The following CLIC4 variants were observed in gnomAD, a reference collection of about 807,000 sequenced individuals.
CLIC4 encodes the protein CLIC family member 4.
Under a neutral mutation model 24.6 loss-of-function variants are expected in CLIC4, and 13 were observed. The observed-to-expected ratio is 0.53, with a 90% CI of 0.34 to 0.84. CLIC4 has a LOEUF of 0.84. Ranked by LOEUF, CLIC4 falls within the 40% of genes least tolerant of loss-of-function variation. CLIC4 has a pLI of 0.01. For synonymous variants in CLIC4, 104 were observed against 111.3 expected (o/e 0.93, Z 0.41); for missense variants, 227 against 301.7 (o/e 0.75, Z 1.83).
chr1:24,807,264 C>A (rs1571254465), intron 2 of CLIC4, among the ~76,000 whole-genome samples: 1 of 151,522 alleles, frequency 6.6e-6, no homozygotes, highest in Non-Finnish European at 1.5e-5. Context: ...ACCCGACCTA[C>A]CCCTTTGGGT....
intron 3 of CLIC4, among the ~76,000 whole-genome samples, chr1:24,821,217 C>T (rs1383510656): frequency 6.6e-6 from 1 of 151,682 alleles, no homozygotes; most frequent in East Asian, 1.9e-4. Context: ...AAAGAATTTT[C>T]ATTATTCTTG....
chr1:24,747,565 G>T (rs1416398906), intron 1 of CLIC4, among the ~76,000 whole-genome samples: 2 of 150,204 alleles, frequency 1.3e-5, no homozygotes, highest in African/African-American at 4.9e-5. Flanking sequence ...AGAAAGGAAG[G>T]GTGGTGGGTG....
At chr1:24,756,902 T>G (rs894800958) in intron 1 of CLIC4, among the ~76,000 whole-genome samples, 3 of 134,436 alleles carry the variant, frequency 2.2e-5, no homozygotes, top group Non-Finnish European at 4.6e-5. Flanking sequence ...TTTTTTAATG[T>G]TTTTTTTTTT....
At chr1:24,753,006 C>T (rs928430241) in intron 1 of CLIC4, among the ~76,000 whole-genome samples, 5 of 152,198 alleles carry the variant, frequency 3.3e-5, no homozygotes, top group African/African-American at 9.7e-5. Context: ...CAGGCGTGAG[C>T]CACCGCGCCC....
At chr1:24,755,908 G>A (rs896416959) in intron 1 of CLIC4, among the ~76,000 whole-genome samples, 6 of 151,420 alleles carry the variant, frequency 4.0e-5, no homozygotes, top group Non-Finnish European at 5.9e-5. Context: ...TGCAACCTCC[G>A]CCTCCTGGTT....
chr1:24,813,082 C>T (rs1186388958), intron 2 of CLIC4, among the ~76,000 whole-genome samples: 3 of 137,376 alleles, frequency 2.2e-5, no homozygotes, highest in African/African-American at 8.2e-5. Context: ...CTTGCTCTGT[C>T]GCCCAGGCTG....
intron 2 of CLIC4, among the ~76,000 whole-genome samples, chr1:24,798,720 G>C (rs1310762959): frequency 6.6e-6 from 1 of 152,094 alleles, no homozygotes; most frequent in Non-Finnish European, 1.5e-5. Context: ...AAGCTGGACT[G>C]TACTGCCGCC....
chr1:24,771,413 A>G (rs1639069807), intron 1 of CLIC4, among the ~76,000 whole-genome samples: 1 of 152,174 alleles, frequency 6.6e-6, no homozygotes, highest in Non-Finnish European at 1.5e-5. Flanking sequence ...TAGAATGTAA[A>G]TTCCAGGAGA....
chr1:24,814,934 T>C (rs926518590), intron 3 of CLIC4, among the ~76,000 whole-genome samples: 1 of 152,226 alleles, frequency 6.6e-6, no homozygotes, highest in Non-Finnish European at 1.5e-5. Context: ...TTGCCCTCCA[T>C]GTCCAGATAT....
chr1:24,797,879 A>G (rs1639422476), intron 2 of CLIC4, 28 bp downstream of exon 2: 2 of 1,458,096 alleles, frequency 1.4e-6, no homozygotes, highest in African/African-American at 1.4e-5. Context: ...TTTGCAATCA[A>G]CTTAAGCTGA....
intron 1 of CLIC4, among the ~76,000 whole-genome samples, chr1:24,747,901 G>C (rs181659762): frequency 2.6e-5 from 4 of 151,238 alleles, no homozygotes; most frequent in African/African-American, 9.7e-5. Context: ...CAGGCATGGT[G>C]GTGGGCCCAG....
chr1:24,839,858 A>C lies in CLIC4; in HGVS notation c.416-2A>C. ...TTCTCATCTCTTTTTTTCCCCCCCA[A>C]GCACTGGAGAGGGGTCTCCTGAAAA... On this transcript the variant is annotated splice_acceptor_variant, in intron 4 of 5. Coordinates refer to ENST00000374379, the MANE Select transcript of CLIC4 (RefSeq NM_013943.3). LOFTEE classifies it high-confidence loss of function. 6.2e-7 allele frequency: 1 copy of C among 1,606,674 alleles called. No individual in the cohort carries two copies. The highest frequency in any genetic ancestry group is 8.5e-7 in the Non-Finnish European group (1 of 1,177,796).
chr1:24,747,871 C>A (rs1267184053), intron 1 of CLIC4, among the ~76,000 whole-genome samples: 1 of 151,692 alleles, frequency 6.6e-6, no homozygotes, highest in Non-Finnish European at 1.5e-5. Context: ...CCTGTCTCTA[C>A]TAAAAATAGA....
chr1:24,829,424 G>A (rs1198945061), intron 4 of CLIC4, among the ~76,000 whole-genome samples: 1 of 152,108 alleles, frequency 6.6e-6, no homozygotes, highest in Non-Finnish European at 1.5e-5. Flanking sequence ...TTGATAACAC[G>A]TTCAAGTTGA....
chr1:24,781,587 G>T (rs569958227), intron 1 of CLIC4, among the ~76,000 whole-genome samples: 9 of 152,076 alleles, frequency 5.9e-5, no homozygotes, highest in Non-Finnish European at 1.3e-4. Flanking sequence ...GGGAGTGGGG[G>T]TGGAGCAGTG....
At chr1:24,815,002 C>T (rs2124153410) in intron 3 of CLIC4, among the ~76,000 whole-genome samples, 1 of 152,156 alleles carries the variant, frequency 6.6e-6, no homozygotes, top group Admixed American at 6.6e-5. Context: ...TAGGCATACC[C>T]TGAAGGGTAT....
At chr1:24,777,993 T>A (rs1639161147) in intron 1 of CLIC4, 1 of 152,240 alleles carries the variant, frequency 6.6e-6, no homozygotes, top group African/African-American at 2.4e-5. Flanking sequence ...TTTTAAGTCT[T>A]CAATATGGCT....
At chr1:24,755,125 A>G (rs1258754427) in intron 1 of CLIC4, among the ~76,000 whole-genome samples, 4 of 151,242 alleles carry the variant, frequency 2.6e-5, no homozygotes, top group African/African-American at 9.7e-5. Context: ...TCATCTCTAT[A>G]AAAACTAAAT....
At chr1:24,811,325 A>G (rs139659321) in intron 2 of CLIC4, among the ~76,000 whole-genome samples, 1 of 152,156 alleles carries the variant, frequency 6.6e-6, no homozygotes, top group South Asian at 2.1e-4. Context: ...ATTTTACTAT[A>G]TGTGCACGAG....
Sources: gnomAD v4.1 joint callset for allele counts (sites outside exome capture counted in the v4.1 genomes callset) on GRCh38, gnomAD v4.1.1 for gene constraint, MANE v1.5 for transcripts, NCBI Gene and HGNC (gene_info 2026-07-23, HGNC 2026-07-21) for gene names.